Variants in CCDC60 observed in about 807,000 individuals in gnomAD.
CCDC60 encodes coiled-coil domain-containing protein 60.
In CCDC60, 54 loss-of-function variants were observed where a neutral mutation model predicts 63.5. The ratio of observed to expected loss-of-function variants is 0.85; its 90% CI spans 0.68 to 1.07. CCDC60 has a LOEUF of 1.07. Among genes scored for constraint, CCDC60 ranks in the 50% least tolerant of loss-of-function variants. The pLI is 0.00. For missense variants in CCDC60, 651 were observed against 684.3 expected (o/e 0.95, Z 0.54); for synonymous variants, 206 against 238.8 (o/e 0.86, Z 1.27).
chr12:119,450,102 T>TC (rs1950604252), intron 2 of CCDC60, among the ~76,000 whole-genome samples: 1 of 152,188 alleles, frequency 6.6e-6, no homozygotes, highest in Non-Finnish European at 1.5e-5. Context: ...TGGAATCATG[T>TC]CTTTTGCAGC....
chr12:119,375,186 G>A (rs1158945441), intron 1 of CCDC60, among the ~76,000 whole-genome samples: 1 of 152,126 alleles, frequency 6.6e-6, no homozygotes, highest in Non-Finnish European at 1.5e-5. Context: ...TAGGGACAAC[G>A]TGTCTTAAGA....
intron 1 of CCDC60, among the ~76,000 whole-genome samples, chr12:119,363,384 A>T (rs1451002747): frequency 6.6e-6 from 1 of 151,148 alleles, no homozygotes; most frequent in Non-Finnish European, 1.5e-5. Flanking sequence ...TCTATTATTG[A>T]CTTGTAAGAG....
At chr12:119,352,786 A>T (rs1955669815) in intron 1 of CCDC60, among the ~76,000 whole-genome samples, 1 of 151,992 alleles carries the variant, frequency 6.6e-6, no homozygotes, top group Non-Finnish European at 1.5e-5. Flanking sequence ...AAAACATAAA[A>T]ATTAGCCGGA....
chr12:119,499,802 C>T (rs1005280687), intron 5 of CCDC60, among the ~76,000 whole-genome samples: 7 of 152,076 alleles, frequency 4.6e-5, no homozygotes, highest in East Asian at 3.8e-4. Flanking sequence ...AGGAGAGGAC[C>T]GAGTCTAAAA....
At position 119,428,775 on chromosome 12, in the gene CCDC60, A is replaced by G; in HGVS notation, c.170+13A>G. On this transcript the variant is annotated intron_variant, in intron 2 of 13. Transcript: ENST00000327554. ...TTATACGAAGCCGGTGAGTGAGCCCAGCAGGGAATGATCCATAGACAACCC... is the reference window on the plus strand; with the variant it reads ...TTATACGAAGCCGGTGAGTGAGCCCGGCAGGGAATGATCCATAGACAACCC... The G allele has an allele frequency of 6.4e-7, 1 of 1,555,330 alleles. No homozygotes were observed. Among genetic ancestry groups the G allele is most frequent in the Non-Finnish European group, 8.8e-7 (1 of 1,134,006 alleles).
chr12:119,507,144 G>T (rs1175507825), intron 7 of CCDC60, among the ~76,000 whole-genome samples: 1 of 152,062 alleles, frequency 6.6e-6, no homozygotes, highest in East Asian at 1.9e-4. Context: ...GTGTCGCATA[G>T]ATTCAAGGAG....
intron 1 of CCDC60, among the ~76,000 whole-genome samples, chr12:119,367,774 A>G (rs936617790): frequency 1.3e-5 from 2 of 152,214 alleles, no homozygotes; most frequent in African/African-American, 4.8e-5. Flanking sequence ...CTGGTCACAA[A>G]AGGATGCATA....
chr12:119,471,202 C>G (rs1221130408), intron 2 of CCDC60, among the ~76,000 whole-genome samples: 3 of 152,222 alleles, frequency 2.0e-5, no homozygotes, highest in Non-Finnish European at 2.9e-5. Flanking sequence ...ATCAAGACAT[C>G]TGATTAGGAA....
chr12:119,429,102 C>T (rs928412115), intron 2 of CCDC60, among the ~76,000 whole-genome samples: 5 of 152,202 alleles, frequency 3.3e-5, no homozygotes, highest in Admixed American at 3.3e-4. Flanking sequence ...GAGTCAGAGT[C>T]GTTCTCAAAT....
At chr12:119,527,180 C>T (rs1041154549) in intron 11 of CCDC60, among the ~76,000 whole-genome samples, 1 of 152,084 alleles carries the variant, frequency 6.6e-6, no homozygotes, top group African/African-American at 2.4e-5. Flanking sequence ...CCAAATACCA[C>T]ATGTTCTCAC....
At position 119,420,960 on chromosome 12, in the gene CCDC60, T is replaced by C. The variant is rs1249799059; in HGVS notation, c.91-7723T>C. 6.6e-6 allele frequency among the ~76,000 whole-genome samples: 1 copy of C among 152,224 alleles called. No individual in the cohort carries two copies. The highest frequency in any genetic ancestry group is 1.9e-4 in the East Asian group (1 of 5,198). ...TCCTGCCATGATCCCGCCTACTCTG[T>C]TCTTTACAGCTTCTCCATAATGAGT... On this transcript the variant is annotated intron_variant, in intron 1 of 13. Transcript: ENST00000327554. The surrounding 1 kb of genome is among the most constrained non-coding windows in gnomAD (Gnocchi z 4.1).
Position 119,433,400 on chromosome 12 carries a change from G to A in CCDC60, c.170+4638G>A, listed in dbSNP as rs906041039. ...GACACCCTTAGCCTCTCCCACTGCC[G>A]GACACAAAGGAGAATGGGGAAAAGG... On this transcript the variant is annotated intron_variant, in intron 2 of 13. Coordinates refer to ENST00000327554, the MANE Select transcript of CCDC60 (RefSeq NM_178499.5). The A allele has an allele frequency of 4.0e-5, 28 of 702,056 alleles. 1 individual carries two copies. Among genetic ancestry groups the A allele is most frequent in the Middle Eastern group, 2.3e-4 (1 of 4,352 alleles). 43.5% of individuals were successfully genotyped at this position (702,056 alleles called of 1,614,324 possible).
At chr12:119,513,759 C>T (rs1275496724) in intron 7 of CCDC60, among the ~76,000 whole-genome samples, 1 of 152,176 alleles carries the variant, frequency 6.6e-6, no homozygotes, top group Non-Finnish European at 1.5e-5. Context: ...CACTATGTTA[C>T]TCACAGGTCT....
chr12:119,540,615 T>G lies in CCDC60; in HGVS notation c.1553T>G (p.Phe518Cys), dbSNP rs766738432. The stretch of plus-strand genomic sequence containing the variant: ...ATTGCCACTATGTCTGCCTCACAGT[T>G]TGTGCGAGAACACATCATCCATATG... ...CSPDIAVAIEFVREHIIHMPQ... is the reference protein window; with the variant it reads ...CSPDIAVAIECVREHIIHMPQ... The change falls in exon 14 of 14, where the codon TTT becomes TGT. Residue 518 changes from phenylalanine to cysteine, a missense_variant and splice_region_variant. Coordinates refer to ENST00000327554, the MANE Select transcript of CCDC60 (RefSeq NM_178499.5). 1 of 1,612,232 alleles carries G rather than the reference T, an allele frequency of 6.2e-7. No individual in the cohort carries two copies. The highest frequency in any genetic ancestry group is 1.1e-5 in the South Asian group (1 of 90,998).
chr12:119,406,572 G>A (rs1201462357), intron 1 of CCDC60, among the ~76,000 whole-genome samples: 1 of 152,070 alleles, frequency 6.6e-6, no homozygotes, highest in African/African-American at 2.4e-5. Context: ...GAATCCAGAG[G>A]AGGAGAGAGA....
rs1314236733 is a variant in CCDC60, at chr12:119,505,211, C to T, written c.791C>T (p.Pro264Leu). 1 of 1,614,050 alleles carries T rather than the reference C, an allele frequency of 6.2e-7. No individual in the cohort carries two copies. The highest frequency in any genetic ancestry group is 1.1e-5 in the South Asian group (1 of 91,084). The change falls in exon 7 of 14, where the codon CCC becomes CTC. Residue 264 changes from proline to leucine, a missense_variant. Pro to Leu is a moderately conservative substitution (Grantham distance 98). Transcript: ENST00000327554. ...MISVNPGSDE[P>L]PSVNTQVTSS... ...TCTGTGAACCCTGGCTCGGATGAGC[C>T]CCCAAGTGTGAACACCCAGGTGACC...
chr12:119,505,525 C>A (rs1490279753), intron 7 of CCDC60, among the ~76,000 whole-genome samples: 1 of 152,236 alleles, frequency 6.6e-6, no homozygotes, highest in Non-Finnish European at 1.5e-5. Context: ...ACAGAGACAG[C>A]CTGTGGTCAC....
intron 1 of CCDC60, among the ~76,000 whole-genome samples, chr12:119,346,768 ATCTTTC>A (rs1472329936): frequency 8.2e-5 from 12 of 146,594 alleles, no homozygotes; most frequent in Non-Finnish European, 1.4e-4. Flanking sequence ...GCTTAGACTC[ATCTTTC>A]TCTTTCTTTC....
intron 1 of CCDC60, among the ~76,000 whole-genome samples, chr12:119,346,925 A>G (rs1308729233): frequency 1.3e-5 from 2 of 151,568 alleles, no homozygotes; most frequent in Non-Finnish European, 2.9e-5. Flanking sequence ...CCTGGGTTCA[A>G]GCGATTCTCC....
Sources: allele counts gnomAD v4.1 joint callset (sites outside exome capture counted in the v4.1 genomes callset), GRCh38; gene constraint gnomAD v4.1.1; non-coding constraint Gnocchi (gnomAD v3.1); transcripts MANE v1.5; gene names NCBI Gene and HGNC (gene_info 2026-07-23, HGNC 2026-07-21).